Variants in PARD3 observed in about 807,000 individuals in gnomAD.
PARD3 encodes partitioning defective 3 homolog.
In PARD3, 75 loss-of-function variants were observed where a neutral mutation model predicts 155.4. The observed-to-expected ratio is 0.48, with a 90% CI of 0.40 to 0.58. The LOEUF (loss-of-function observed/expected upper bound fraction) is 0.58. Among genes scored for constraint, PARD3 ranks in the 20% least tolerant of loss-of-function variants. The probability of loss-of-function intolerance (pLI) is 0.00; values close to 1 mark genes in which losing one functional copy is unlikely to be tolerated. For missense variants in PARD3, 1,642 were observed against 1,721.7 expected, an observed-to-expected ratio of 0.95 and a Z score of 0.82; for synonymous variants, 576 against 610.5, an observed-to-expected ratio of 0.94 and a Z score of 0.83.
At chr10:34,743,289 T>C (rs2095051637) in intron 1 of PARD3, among the ~76,000 whole-genome samples, 1 of 152,146 alleles carries the variant, frequency 6.6e-6, no homozygotes, top group Non-Finnish European at 1.5e-5. Context: ...GACACACAAC[T>C]TGTCAACAGC....
intron 1 of PARD3, among the ~76,000 whole-genome samples, chr10:34,814,239 G>A (rs1042587118): frequency 1.3e-4 from 20 of 152,106 alleles, no homozygotes; most frequent in Non-Finnish European, 2.5e-4. Context: ...TCCCGGGAAC[G>A]CCTCCCCGAC....
intron 22 of PARD3, among the ~76,000 whole-genome samples, chr10:34,209,172 C>A (rs1951621559): frequency 6.6e-6 from 1 of 152,146 alleles, no homozygotes; most frequent in Non-Finnish European, 1.5e-5. Context: ...TCCTTTAATT[C>A]TATTTCTTGG....
rs547504645 is a variant in PARD3, at chr10:34,661,998, T to C, written c.222+34320A>G. On this transcript the variant is annotated intron_variant, in intron 2 of 24. Coordinates refer to ENST00000374788, the MANE Select transcript of PARD3 (RefSeq NM_001184785.2). ...CCTGCATGTAAGCACCCTGGGGAGA[T>C]GGTTAAATTCTGCTCCTTTGACCTG... is the stretch of plus-strand genomic sequence containing the variant. Among the ~76,000 whole-genome samples, 10 of 152,246 alleles carry C rather than the reference T, an allele frequency of 6.6e-5. 1 individual carries two copies. Among genetic ancestry groups the C allele is most frequent in the Non-Finnish European group, 8.8e-5 (6 of 68,018 alleles).
At chr10:34,289,153 A>G (rs1956549513) in intron 20 of PARD3, among the ~76,000 whole-genome samples, 1 of 151,816 alleles carries the variant, frequency 6.6e-6, no homozygotes, top group South Asian at 2.1e-4. Flanking sequence ...TTGTTGGTAG[A>G]GATGCGGTTT....
chr10:34,377,347 G>C (rs987226361), intron 10 of PARD3, among the ~76,000 whole-genome samples: 1 of 152,114 alleles, frequency 6.6e-6, no homozygotes, highest in Non-Finnish European at 1.5e-5. Context: ...GAGGGCTAAC[G>C]TCTGTAATCC....
chr10:34,440,621 G>A (rs1446199990), intron 5 of PARD3, among the ~76,000 whole-genome samples: 1 of 152,098 alleles, frequency 6.6e-6, no homozygotes, highest in East Asian at 1.9e-4. Context: ...CACCACCAAA[G>A]ATTTTTCACT....
chr10:34,395,446 A>T (rs189233706), intron 7 of PARD3, among the ~76,000 whole-genome samples: 17 of 152,364 alleles, frequency 1.1e-4, no homozygotes, highest in Admixed American at 3.9e-4. Context: ...AAAATAATTT[A>T]AAAAAAGAAA....
In PARD3 at chr10:34,110,874, C is replaced by T; in HGVS notation, c.*295G>A. ...AGGGATGTTACAACCAAGCCGCGGA[C>T]AACTCATGAGTAGGGCCGAGATTCC... On this transcript the variant is annotated 3_prime_UTR_variant, in exon 25 of 25. Transcript: ENST00000374788. The T allele has an allele frequency of 4.0e-6, 1 of 249,708 alleles. No homozygotes were observed. The highest frequency in any genetic ancestry group is 7.2e-5 in the East Asian group (1 of 13,802). The allele number at this position is 249,708 out of a possible 1,614,324, so 15.5% of individuals were successfully genotyped here.
intron 22 of PARD3, among the ~76,000 whole-genome samples, chr10:34,269,205 G>A (rs989838620): frequency 3.3e-5 from 5 of 151,908 alleles, no homozygotes; most frequent in East Asian, 1.9e-4. Flanking sequence ...CTCATTTACC[G>A]ATTCTTTCAT....
intron 2 of PARD3, among the ~76,000 whole-genome samples, chr10:34,568,599 G>C (rs1419082386): frequency 6.6e-6 from 1 of 152,172 alleles, no homozygotes; most frequent in East Asian, 1.9e-4. Flanking sequence ...TGAGTCTTAA[G>C]AATAATGATT....
intron 23 of PARD3, among the ~76,000 whole-genome samples, chr10:34,120,450 T>A (rs1017421103): frequency 6.6e-5 from 10 of 151,966 alleles, no homozygotes; most frequent in African/African-American, 1.9e-4. Context: ...TAAATAAAAA[T>A]TTGCTACAAC....
intron 2 of PARD3, among the ~76,000 whole-genome samples, chr10:34,657,996 A>G (rs1459994682): frequency 6.6e-6 from 1 of 152,036 alleles, no homozygotes; most frequent in Non-Finnish European, 1.5e-5. Flanking sequence ...AATACAAAAA[A>G]TTAGCCGGGC....
At chr10:34,497,724 G>T (rs937086747) in intron 3 of PARD3, among the ~76,000 whole-genome samples, 6 of 152,144 alleles carry the variant, frequency 3.9e-5, no homozygotes, top group Non-Finnish European at 8.8e-5. Flanking sequence ...CAAGTTAAAT[G>T]AGCTAGGAAG....
At chr10:34,213,344 C>T (rs964832016) in intron 22 of PARD3, among the ~76,000 whole-genome samples, 3 of 152,196 alleles carry the variant, frequency 2.0e-5, no homozygotes, top group African/African-American at 4.8e-5. Context: ...GAACTCACCC[C>T]TATGGGAGGG....
intron 2 of PARD3, among the ~76,000 whole-genome samples, chr10:34,674,898 TTAAG>T (rs2093676183): frequency 6.6e-6 from 1 of 152,176 alleles, no homozygotes; most frequent in Admixed American, 6.5e-5. Context: ...GCAAGCCAAT[TTAAG>T]TAGGACACAG....
At chr10:34,405,628 A>G (rs1844384186) in intron 5 of PARD3, among the ~76,000 whole-genome samples, 3 of 152,162 alleles carry the variant, frequency 2.0e-5, no homozygotes. Context: ...AGATGTAAAA[A>G]AAGTAGGAGG....
At chr10:34,426,243 T>C (rs1655743256) in intron 5 of PARD3, among the ~76,000 whole-genome samples, 1 of 152,206 alleles carries the variant, frequency 6.6e-6, no homozygotes, top group Non-Finnish European at 1.5e-5. Flanking sequence ...TAGTAATGCC[T>C]GCTTTACCTA....
At chr10:34,369,152 C>A (rs1840308722) in intron 12 of PARD3, among the ~76,000 whole-genome samples, 1 of 151,890 alleles carries the variant, frequency 6.6e-6, no homozygotes, top group African/African-American at 2.4e-5. Flanking sequence ...ATTCTTTGTT[C>A]CTCCCCTTTC....
chr10:34,793,362 G>A (rs1359411739), intron 1 of PARD3, among the ~76,000 whole-genome samples: 1 of 152,156 alleles, frequency 6.6e-6, no homozygotes, highest in Non-Finnish European at 1.5e-5. Context: ...AAGGGGTCGT[G>A]GCGGTAAAGA....
Sources: gnomAD v4.1 joint callset for allele counts (sites outside exome capture counted in the v4.1 genomes callset) on GRCh38, gnomAD v4.1.1 for gene constraint, MANE v1.5 for transcripts, NCBI Gene and HGNC (gene_info 2026-07-23, HGNC 2026-07-21) for gene names.